Variants in EPM2A observed in about 807,000 individuals in gnomAD.
The protein encoded by EPM2A is laforin.
In EPM2A, 21 loss-of-function variants were observed where a neutral mutation model predicts 26.5. The ratio of observed to expected loss-of-function variants is 0.79; its 90% CI spans 0.56 to 1.14. EPM2A has a LOEUF of 1.14. EPM2A is among the 50% of genes most tolerant of loss of function. The pLI is 0.00. For synonymous variants in EPM2A, 217 were observed against 177.6 expected, an observed-to-expected ratio of 1.22 and a Z score of -1.76; for missense variants, 458 against 440.8, an observed-to-expected ratio of 1.04 and a Z score of -0.35.
chr6:145,653,988 T>C (rs994368697), intron 2 of EPM2A, among the ~76,000 whole-genome samples: 4 of 152,192 alleles, frequency 2.6e-5, no homozygotes, highest in Admixed American at 2.6e-4. Context: ...TGTCTAGATT[T>C]ATTTAATTTA....
At chr6:145,462,727 A>G (rs1330047951) in intron 4 of EPM2A, among the ~76,000 whole-genome samples, 1 of 152,116 alleles carries the variant, frequency 6.6e-6, no homozygotes, top group Non-Finnish European at 1.5e-5. Flanking sequence ...CATGTACACT[A>G]TGTCAACACA....
chr6:145,405,999 CACACACACACACACAACAGACAG>C (rs1204243511), intron 4 of EPM2A, among the ~76,000 whole-genome samples: 1 of 150,582 alleles, frequency 6.6e-6, no homozygotes, highest in African/African-American at 2.4e-5. Context: ...CACACACACA[CACACACACACACACAACAGACAG>C]ACACACACAC....
intron 1 of EPM2A, among the ~76,000 whole-genome samples, chr6:145,711,122 A>G (rs1342798572): frequency 6.6e-6 from 1 of 152,192 alleles, no homozygotes; most frequent in Non-Finnish European, 1.5e-5. Flanking sequence ...AAAGTATAAT[A>G]AAAGAAAAAA....
chr6:145,471,207 T>C (rs950346047), intron 4 of EPM2A, among the ~76,000 whole-genome samples: 2 of 152,200 alleles, frequency 1.3e-5, no homozygotes, highest in East Asian at 1.9e-4. Flanking sequence ...ATCTATTGAT[T>C]GATCAATATA....
intron 1 of EPM2A, among the ~76,000 whole-genome samples, chr6:145,693,952 C>T (rs1050235870): frequency 6.6e-6 from 1 of 151,724 alleles, no homozygotes; most frequent in Admixed American, 6.6e-5. Flanking sequence ...AAATAAGAAA[C>T]CCTAGAATTT....
chr6:145,640,320 TG>T (rs936724407), intron 2 of EPM2A: 2 of 152,182 alleles, frequency 1.3e-5, no homozygotes, highest in African/African-American at 4.8e-5. Flanking sequence ...CCATCACTAA[TG>T]GCCATGAGAA....
At chr6:145,730,051 C>T (rs1202286240) in intron 1 of EPM2A, among the ~76,000 whole-genome samples, 3 of 152,146 alleles carry the variant, frequency 2.0e-5, no homozygotes, top group Non-Finnish European at 4.4e-5. Context: ...TCCAGCCATG[C>T]AGATCGTCCC....
intron 4 of EPM2A, among the ~76,000 whole-genome samples, chr6:145,469,055 G>T (rs1779437395): frequency 1.3e-5 from 2 of 152,082 alleles, no homozygotes; most frequent in African/African-American, 2.4e-5. Flanking sequence ...ATTTATAAAA[G>T]AAAGAGGTTT....
intron 4 of EPM2A, among the ~76,000 whole-genome samples, chr6:145,393,244 A>G (rs541963465): frequency 6.6e-6 from 1 of 152,278 alleles, no homozygotes; most frequent in African/African-American, 2.4e-5. Context: ...GACACTCATT[A>G]CCAGGAATAA....
chr6:145,649,243 C>T (rs1176512773), intron 2 of EPM2A, among the ~76,000 whole-genome samples: 1 of 152,142 alleles, frequency 6.6e-6, no homozygotes, highest in Non-Finnish European at 1.5e-5. Context: ...CATTTGAATC[C>T]TGGCTCCACT....
chr6:145,463,038 A>G (rs941278607), intron 4 of EPM2A, among the ~76,000 whole-genome samples: 3 of 152,194 alleles, frequency 2.0e-5, no homozygotes, highest in Non-Finnish European at 2.9e-5. Flanking sequence ...TATTTAAAAA[A>G]TTCAAGCACA....
chr6:145,613,843 T>C (rs1310215641), intron 2 of EPM2A, among the ~76,000 whole-genome samples: 6 of 152,222 alleles, frequency 3.9e-5, no homozygotes, highest in African/African-American at 7.2e-5. Context: ...AGATAAGATT[T>C]AGCATAATTC....
intron 2 of EPM2A, among the ~76,000 whole-genome samples, chr6:145,601,148 T>G (rs1215654228): frequency 6.6e-6 from 1 of 152,242 alleles, no homozygotes; most frequent in African/African-American, 2.4e-5. Context: ...CTTATTTATA[T>G]TAGATTTTTC....
chr6:145,615,714 T>C (rs1264477288), intron 2 of EPM2A, among the ~76,000 whole-genome samples: 1 of 151,954 alleles, frequency 6.6e-6, no homozygotes, highest in Non-Finnish European at 1.5e-5. Flanking sequence ...TGGTCTCACA[T>C]GGAGATGAGG....
intron 4 of EPM2A, among the ~76,000 whole-genome samples, chr6:145,440,012 C>A (rs541656482): frequency 1.3e-5 from 2 of 152,270 alleles, no homozygotes; most frequent in Non-Finnish European, 2.9e-5. Flanking sequence ...AGAATGGGTC[C>A]AGTTTCAGTC....
At chr6:145,511,656 A>G (rs411468) in intron 2 of EPM2A, among the ~76,000 whole-genome samples, 68,382 of 151,944 alleles carry the variant, frequency 0.45, 15,423 homozygotes, top group South Asian at 0.58. Flanking sequence ...CTGAATGGGG[A>G]AAAGTTGAAA....
intron 4 of EPM2A, among the ~76,000 whole-genome samples, chr6:145,470,288 CATAA>C (rs143290094): frequency 0.45 from 67,845 of 151,404 alleles, 15,787 homozygotes; most frequent in Non-Finnish European, 0.52. Context: ...TAATGTACCT[CATAA>C]ATATATACAC....
chr6:145,393,876 T>C (rs1456613741), intron 4 of EPM2A, among the ~76,000 whole-genome samples: 1 of 151,544 alleles, frequency 6.6e-6, no homozygotes, highest in East Asian at 1.9e-4. Context: ...CAGGCTGGAG[T>C]GCAGTGGCGT....
chr6:145,481,124 A>G (rs1299879498), intron 4 of EPM2A, among the ~76,000 whole-genome samples: 1 of 152,004 alleles, frequency 6.6e-6, no homozygotes, highest in East Asian at 1.9e-4. Flanking sequence ...CTCCCAATGG[A>G]TGGTAGCACC....
Sources: gnomAD v4.1 joint callset for allele counts (sites outside exome capture counted in the v4.1 genomes callset) on GRCh38, gnomAD v4.1.1 for gene constraint, MANE v1.5 for transcripts, NCBI Gene and HGNC (gene_info 2026-07-23, HGNC 2026-07-21) for gene names.